The following COL19A1 variants were observed in gnomAD, a reference collection of about 807,000 sequenced individuals.
The protein encoded by COL19A1 is collagen alpha-1(XIX) chain.
In COL19A1, 159 loss-of-function variants were observed where a neutral mutation model predicts 190.2. The observed-to-expected ratio is 0.84, with a 90% CI of 0.73 to 0.95. The LOEUF is 0.95. Ranked by LOEUF, COL19A1 falls within the 40% of genes least tolerant of loss-of-function variation. The pLI is 0.00. For synonymous variants in COL19A1, 509 were observed against 458.9 expected (o/e 1.11, Z -1.39); for missense variants, 1,418 against 1,431.9 (o/e 0.99, Z 0.16).
At chr6:69,926,680 A>G (rs1772419294) in intron 4 of COL19A1, among the ~76,000 whole-genome samples, 1 of 152,084 alleles carries the variant, frequency 6.6e-6, no homozygotes, top group Non-Finnish European at 1.5e-5. Context: ...CTAGGAGTGG[A>G]GAGAGAGTAA....
At chr6:69,936,721 G>C in intron 7 of COL19A1, 64 bp from the exon 8 acceptor site, 1 of 1,586,122 alleles carries the variant, frequency 6.3e-7, no homozygotes, top group Non-Finnish European at 8.6e-7. Flanking sequence ...GTGGGAGCCA[G>C]TGTTTGGAAC....
chr6:69,973,074 A>G (rs1461810032), intron 11 of COL19A1, among the ~76,000 whole-genome samples: 1 of 152,184 alleles, frequency 6.6e-6, no homozygotes, highest in African/African-American at 2.4e-5. Flanking sequence ...AAAAACCATG[A>G]TCCTCATTTA....
chr6:69,895,920 C>T (rs529861539), intron 2 of COL19A1, among the ~76,000 whole-genome samples: 21 of 152,044 alleles, frequency 1.4e-4, no homozygotes, highest in Admixed American at 9.8e-4. Context: ...TTATGTGTAA[C>T]GCTGCCATTA....
intron 20 of COL19A1, among the ~76,000 whole-genome samples, chr6:70,141,654 A>T (rs1480593419): frequency 6.6e-6 from 1 of 152,102 alleles, no homozygotes; most frequent in Non-Finnish European, 1.5e-5. Context: ...CATGATAATT[A>T]GTGTCAAAAA....
chr6:70,194,868 T>C (rs1767091875), intron 48 of COL19A1, among the ~76,000 whole-genome samples: 1 of 152,058 alleles, frequency 6.6e-6, no homozygotes, highest in Non-Finnish European at 1.5e-5. Context: ...AGATTTGGGC[T>C]AAGTATTCCC....
intron 14 of COL19A1, among the ~76,000 whole-genome samples, chr6:70,040,904 T>C (rs1191716692): frequency 6.6e-6 from 1 of 152,180 alleles, no homozygotes; most frequent in Non-Finnish European, 1.5e-5. Flanking sequence ...ATTCTAACAA[T>C]AAAAGATATT....
Position 70,184,753 on chromosome 6 carries a change from A to T in COL19A1, c.2811+15A>T. 6.2e-7 allele frequency: 1 copy of T among 1,603,434 alleles called. No homozygotes were observed. Among genetic ancestry groups the T allele is most frequent in the Non-Finnish European group, 8.5e-7 (1 of 1,172,062 alleles). On this transcript the variant is annotated intron_variant, in intron 45 of 50. Transcript: ENST00000620364. ...CAGGTGCTCAGGTATGGGAAATATG[A>T]TTTAAAATAAAAGTTATAATGCATA...
chr6:69,985,642 G>A (rs1032896121), intron 11 of COL19A1, among the ~76,000 whole-genome samples: 4 of 152,030 alleles, frequency 2.6e-5, no homozygotes, highest in Admixed American at 6.6e-5. Context: ...ATTACTGAAC[G>A]TTTTCAAAAA....
At chr6:69,998,644 C>CA (rs34860121) in intron 11 of COL19A1, among the ~76,000 whole-genome samples, 14,410 of 66,912 alleles carry the variant, frequency 0.22, 1,176 homozygotes, top group East Asian at 0.37. Flanking sequence ...GACTCCCTCT[C>CA]AAAAAAAAAA....
chr6:69,883,999 A>G (rs2149949941), intron 2 of COL19A1, among the ~76,000 whole-genome samples: 1 of 152,322 alleles, frequency 6.6e-6, no homozygotes, highest in South Asian at 2.1e-4. Context: ...ACCTATGATT[A>G]ATACTGTATT....
At chr6:70,175,173 T>C (rs760617756) in intron 41 of COL19A1, among the ~76,000 whole-genome samples, 2 of 152,218 alleles carry the variant, frequency 1.3e-5, no homozygotes, top group Non-Finnish European at 2.9e-5. Context: ...TTTTTCTTTT[T>C]GATGATGGCT....
intron 25 of COL19A1, among the ~76,000 whole-genome samples, chr6:70,145,288 A>G (rs530268976): frequency 6.6e-6 from 1 of 152,290 alleles, no homozygotes; most frequent in Non-Finnish European, 1.5e-5. Flanking sequence ...ATGCCCATCT[A>G]CAATAGACTA....
rs760657344 is a variant in COL19A1, at chr6:70,211,478, C to T, written c.*4204C>T. Reference sequence around the variant, plus strand: ...GTGTTGACACATTTTTGTACCATCCCCCTTTTGTACCATCTCTGCTCACAA... The same window carrying T: ...GTGTTGACACATTTTTGTACCATCCTCCTTTTGTACCATCTCTGCTCACAA... On this transcript the variant is annotated 3_prime_UTR_variant, in exon 51 of 51. Coordinates refer to ENST00000620364, the MANE Select transcript of COL19A1 (RefSeq NM_001858.6). 1.1e-4 allele frequency among the ~76,000 whole-genome samples: 16 copies of T among 150,750 alleles called. No homozygotes were observed. Among genetic ancestry groups the T allele is most frequent in the Non-Finnish European group, 2.1e-4 (14 of 67,768 alleles).
chr6:70,173,735 T>C (rs577712863), intron 41 of COL19A1, among the ~76,000 whole-genome samples: 1 of 152,338 alleles, frequency 6.6e-6, no homozygotes, highest in East Asian at 1.9e-4. Flanking sequence ...GTATAAATAA[T>C]GCTGACAGAG....
At position 70,212,062 on chromosome 6, in the gene COL19A1, A is replaced by G. The variant is rs561778578; in HGVS notation, c.*4788A>G. On this transcript the variant is annotated 3_prime_UTR_variant, in exon 51 of 51. Transcript: ENST00000620364. ...GGTAAATAAGATTTAAGTTTATCAGAAGTGTGTGTATTGTGTGACCATACT... is the reference window on the plus strand; with the variant it reads ...GGTAAATAAGATTTAAGTTTATCAGGAGTGTGTGTATTGTGTGACCATACT... Among the ~76,000 whole-genome samples the G allele has an allele frequency of 6.6e-6, 1 of 152,282 alleles. No individual in the cohort carries two copies. The highest frequency in any genetic ancestry group is 2.1e-4 in the South Asian group (1 of 4,834).
At chr6:69,972,011 G>A (rs1775456400) in intron 11 of COL19A1, among the ~76,000 whole-genome samples, 1 of 152,140 alleles carries the variant, frequency 6.6e-6, no homozygotes, top group Admixed American at 6.5e-5. Context: ...ACGTAGATGT[G>A]CTTCTCAGAA....
At chr6:69,947,973 C>G (rs555412668) in intron 9 of COL19A1, among the ~76,000 whole-genome samples, 1 of 151,786 alleles carries the variant, frequency 6.6e-6, no homozygotes, top group Non-Finnish European at 1.5e-5. Context: ...CATTAATTGA[C>G]GATTCTTCAT....
chr6:70,149,648 A>G, intron 27 of COL19A1, 56 bp from the exon 28 acceptor site: 1 of 1,598,476 alleles, frequency 6.3e-7, no homozygotes, highest in Non-Finnish European at 8.5e-7. Flanking sequence ...TGTCACTTGG[A>G]TAATTTATGG....
intron 41 of COL19A1, among the ~76,000 whole-genome samples, chr6:70,174,368 G>A (rs933670029): frequency 6.6e-6 from 1 of 152,170 alleles, no homozygotes; most frequent in East Asian, 1.9e-4. Flanking sequence ...AGGAGTTCAA[G>A]ACCAGCCTGG....
Sources: gnomAD v4.1 joint callset for allele counts (sites outside exome capture counted in the v4.1 genomes callset) on GRCh38, gnomAD v4.1.1 for gene constraint, MANE v1.5 for transcripts, NCBI Gene and HGNC (gene_info 2026-07-23, HGNC 2026-07-21) for gene names.